The following YY1AP1 variants were observed in gnomAD, a reference collection of about 807,000 sequenced individuals.
YY1AP1 encodes the protein YY1 associated protein 1, also known as YY1-associated protein 1.
Under a neutral mutation model 39.9 loss-of-function variants are expected in YY1AP1, and 43 were observed. The observed-to-expected ratio is 1.08, with a 90% CI of 0.84 to 1.39. YY1AP1 has a LOEUF of 1.39. YY1AP1 is among the 40% of genes most tolerant of loss of function. The probability of loss-of-function intolerance (pLI) is 0.00; values close to 1 mark genes in which losing one functional copy is unlikely to be tolerated. For synonymous variants in YY1AP1, 292 were observed against 331.3 expected (o/e 0.88, Z 1.29); for missense variants, 813 against 900.7 (o/e 0.90, Z 1.25).
intron 6 of YY1AP1, 21 bp downstream of exon 6, chr1:155,674,989 T>TA (rs779057372): frequency 6.2e-7 from 1 of 1,600,486 alleles, no homozygotes; most frequent in Non-Finnish European, 8.6e-7. Flanking sequence ...TCTATAGAAT[T>TA]ACGGCAATTT....
At chr1:155,687,960 G>C (rs896476294) in intron 2 of YY1AP1, 111 bp downstream of exon 2, 3 of 1,241,446 alleles carry the variant, frequency 2.4e-6, no homozygotes, top group Admixed American at 5.2e-5. Flanking sequence ...CTTCACCACT[G>C]CTCTCCCAGA....
rs1469739766 is a variant in YY1AP1, at chr1:155,679,124, A to AT, written c.125+284dup. 9.0e-6 allele frequency: 12 copies of AT among 1,340,256 alleles called. No homozygotes were observed. The East Asian group carries it at 2.3e-4, about 25-fold the overall frequency. 83.0% of individuals were successfully genotyped at this position (1,340,256 alleles called of 1,614,324 possible). On this transcript the variant is annotated intron_variant, in intron 4 of 10. Coordinates refer to ENST00000355499, the MANE Select transcript of YY1AP1 (RefSeq NM_139119.3). ...TAGGGTAGTTTGTGTGGCTGGCCAC[A>AT]TTGAGTCCTACATACCTCTCCAGCA...
chr1:155,666,805 G>C (rs562472304), intron 9 of YY1AP1, among the ~76,000 whole-genome samples: 1 of 152,214 alleles, frequency 6.6e-6, no homozygotes, highest in African/African-American at 2.4e-5. Flanking sequence ...TTCAAGATCA[G>C]ACTGACCAAC....
At chr1:155,665,365 C>T (rs1315774574) in intron 9 of YY1AP1, among the ~76,000 whole-genome samples, 4 of 150,850 alleles carry the variant, frequency 2.7e-5, no homozygotes, top group East Asian at 2.0e-4. Flanking sequence ...TTTGGGAGAC[C>T]GAAACGGGTG....
intron 9 of YY1AP1, among the ~76,000 whole-genome samples, chr1:155,667,392 T>C (rs932458782): frequency 6.6e-6 from 1 of 151,560 alleles, no homozygotes; most frequent in Admixed American, 6.6e-5. Context: ...TAGTCCAAGC[T>C]ACTTGGAAGG....
At chr1:155,673,740 A>G (rs571205933) in intron 6 of YY1AP1, among the ~76,000 whole-genome samples, 121 of 151,756 alleles carry the variant, frequency 8.0e-4, no homozygotes, top group Non-Finnish European at 1.4e-3. Context: ...TTTGGTAGGG[A>G]TGGGGTCTTA....
At chr1:155,688,336 G>A in intron 1 of YY1AP1, 135 bp from the exon 2 acceptor site, 2 of 1,550,394 alleles carry the variant, frequency 1.3e-6, no homozygotes, top group Admixed American at 2.0e-5. Context: ...GGCAGCGGCG[G>A]CAGCAGAGTG....
chr1:155,678,157 C>T (rs906960411), intron 4 of YY1AP1, among the ~76,000 whole-genome samples: 7 of 152,212 alleles, frequency 4.6e-5, no homozygotes, highest in Non-Finnish European at 1.0e-4. Context: ...TGTGTTACAA[C>T]TGCCTACAGT....
intron 7 of YY1AP1, 153 bp from the exon 8 acceptor site, chr1:155,670,617 CT>C (rs1451117321): frequency 2.9e-6 from 2 of 699,282 alleles, no homozygotes; most frequent in Non-Finnish European, 4.7e-6. Context: ...TTTCCACAGT[CT>C]TTCCTCAACT....
intron 2 of YY1AP1, among the ~76,000 whole-genome samples, chr1:155,682,449 C>G (rs1418775785): frequency 6.6e-6 from 1 of 152,056 alleles, no homozygotes; most frequent in Non-Finnish European, 1.5e-5. Context: ...CATCTACATA[C>G]TCTACATGTC....
chr1:155,672,326 C>G, intron 7 of YY1AP1: 2 of 605,010 alleles, frequency 3.3e-6, no homozygotes, highest in Non-Finnish European at 3.0e-6. Flanking sequence ...CTCTACCTCC[C>G]ATATTCCTAT....
chr1:155,659,524 C>G lies in YY1AP1; in HGVS notation c.*133G>C. ...CAGAGTGGGAGCAGGCTAAAGCAAG[C>G]TGCTCAAGAGCCCCAGTTGCAAAAT... On this transcript the variant is annotated 3_prime_UTR_variant, in exon 11 of 11. Coordinates refer to ENST00000355499, the MANE Select transcript of YY1AP1 (RefSeq NM_139119.3). 2.3e-6 allele frequency: 2 copies of G among 859,862 alleles called. No homozygotes were observed. The highest frequency in any genetic ancestry group is 3.7e-6 in the Non-Finnish European group (2 of 544,788). 53.3% of individuals were successfully genotyped at this position (859,862 alleles called of 1,614,324 possible).
At chr1:155,663,996 G>A (rs1417514206) in intron 9 of YY1AP1, among the ~76,000 whole-genome samples, 3 of 142,422 alleles carry the variant, frequency 2.1e-5, no homozygotes, top group Admixed American at 1.4e-4. Context: ...CCAACATAAC[G>A]AGACCATGTC....
chr1:155,672,022 G>A (rs1430843397), intron 7 of YY1AP1, among the ~76,000 whole-genome samples: 3 of 152,136 alleles, frequency 2.0e-5, no homozygotes, highest in African/African-American at 7.2e-5. Flanking sequence ...ACCAATGCAA[G>A]GTAGAATCTA....
intron 7 of YY1AP1, 159 bp from the exon 8 acceptor site, chr1:155,670,623 T>C: frequency 1.5e-6 from 1 of 669,318 alleles, no homozygotes; most frequent in Non-Finnish European, 2.5e-6. Context: ...CAGTCTTTCC[T>C]CAACTAACAT....
intron 9 of YY1AP1, among the ~76,000 whole-genome samples, chr1:155,662,733 G>A (rs1307131645): frequency 6.6e-6 from 1 of 152,150 alleles, no homozygotes; most frequent in Admixed American, 6.5e-5. Context: ...GGGCATGGTG[G>A]CTCATGCCTG....
At position 155,679,470 on chromosome 1, in the gene YY1AP1, G is replaced by A; in HGVS notation, c.64C>T (p.Pro22Ser). 1 of 1,614,132 alleles carries A rather than the reference G, an allele frequency of 6.2e-7. No homozygotes were observed. Among genetic ancestry groups the A allele is most frequent in the Non-Finnish European group, 8.5e-7 (1 of 1,180,042 alleles). Reference sequence around the variant, plus strand: ...TCAGCCACACGCTCCTCCTCTTCTGGGCCATCATCTTCCATGTTGGAGAAT... The same window carrying A: ...TCAGCCACACGCTCCTCCTCTTCTGAGCCATCATCTTCCATGTTGGAGAAT... ...MGFSNMEDDG[P>S]EEEERVAEPQ... is the part of the protein sequence containing the mutation. Residue 22 changes from proline (P) to serine (S), a missense_variant, in exon 4 of 11, where the codon CCA (proline) becomes TCA (serine). Coordinates refer to ENST00000355499, the MANE Select transcript of YY1AP1 (RefSeq NM_139119.3).
At chr1:155,675,479 C>T (rs1251707041) in intron 5 of YY1AP1, among the ~76,000 whole-genome samples, 2 of 152,038 alleles carry the variant, frequency 1.3e-5, no homozygotes, top group Non-Finnish European at 2.9e-5. Flanking sequence ...AGGTGCCCGC[C>T]GCCACACCCA....
rs537488333 is a variant in YY1AP1 at position 155,661,695 on chromosome 1, G to A, written c.880-272C>T. 3.9e-5 allele frequency among the ~76,000 whole-genome samples: 6 copies of A among 152,202 alleles called. 1 individual carries two copies. The South Asian group carries it at 1.0e-3, about 26-fold the overall frequency. On this transcript the variant is annotated intron_variant, in intron 9 of 10. Coordinates refer to ENST00000355499, the MANE Select transcript of YY1AP1 (RefSeq NM_139119.3). ...TTTTGAGACGGAGTCTTGCTCTGTC[G>A]CCCAGGATGGAGTGCAATGGCGCGA... is the stretch of plus-strand genomic sequence containing the variant.
Sources: gnomAD v4.1 joint callset for allele counts (sites outside exome capture counted in the v4.1 genomes callset) on GRCh38, gnomAD v4.1.1 for gene constraint, MANE v1.5 for transcripts, NCBI Gene and HGNC (gene_info 2026-07-23, HGNC 2026-07-21) for gene names.